GDPD5: variants seen among roughly 807,000 people sequenced by gnomAD.
GDPD5 encodes the protein glycerophosphodiester phosphodiesterase domain containing 5.
Under a neutral mutation model 75.1 loss-of-function variants are expected in GDPD5, and 48 were observed. The observed-to-expected ratio is 0.64, with a 90% CI of 0.51 to 0.81. GDPD5 has a LOEUF of 0.81. Among genes scored for constraint, GDPD5 ranks in the 40% least tolerant of loss-of-function variants. GDPD5 has a pLI of 0.00. For synonymous variants in GDPD5, 336 were observed against 339.0 expected (o/e 0.99, Z 0.10); for missense variants, 706 against 822.6 (o/e 0.86, Z 1.73).
chr11:75,498,055 C>G (rs922915168), intron 1 of GDPD5, among the ~76,000 whole-genome samples: 6 of 151,550 alleles, frequency 4.0e-5, no homozygotes, highest in Admixed American at 1.3e-4. Flanking sequence ...AGAGTGTGGA[C>G]TAGCACCCAG....
At chr11:75,483,602 T>C (rs1483297613) in intron 2 of GDPD5, among the ~76,000 whole-genome samples, 1 of 152,204 alleles carries the variant, frequency 6.6e-6, no homozygotes, top group Non-Finnish European at 1.5e-5. Context: ...GACAGGTCAC[T>C]ACCTCTTCCC....
At position 75,449,501 on chromosome 11, in the gene GDPD5, T is replaced by G. The variant is rs527692138; in HGVS notation, c.568+16A>C. ...TGCAGGGATTGGAGGGGCAGGCCCT[T>G]CACAGTTCTACTCACAGGTCCGCTC... is the stretch of plus-strand genomic sequence containing the variant. On this transcript the variant is annotated intron_variant, in intron 8 of 16. Coordinates refer to ENST00000336898, the MANE Select transcript of GDPD5 (RefSeq NM_030792.8). 6.0e-5 allele frequency: 94 copies of G among 1,554,838 alleles called. 3 individuals carry two copies. The South Asian group carries it at 1.1e-3, about 18-fold the overall frequency.
At chr11:75,504,446 C>T (rs1950354701) in intron 1 of GDPD5, among the ~76,000 whole-genome samples, 1 of 152,198 alleles carries the variant, frequency 6.6e-6, no homozygotes. Context: ...GGTGAACGGA[C>T]AGACAGAATG....
At chr11:75,505,046 C>T (rs560879660) in intron 1 of GDPD5, among the ~76,000 whole-genome samples, 4 of 151,642 alleles carry the variant, frequency 2.6e-5, no homozygotes, top group South Asian at 4.2e-4. Flanking sequence ...TGCTTGAACC[C>T]GGGAGGCAGA....
chr11:75,471,025 C>T (rs1004934597), intron 3 of GDPD5, among the ~76,000 whole-genome samples: 10 of 152,236 alleles, frequency 6.6e-5, no homozygotes, highest in African/African-American at 1.7e-4. Context: ...CCTCAGCACA[C>T]GGTCCTACAG....
Position 75,443,365 on chromosome 11 carries a change from G to A in GDPD5, c.798-79C>T. ...CCACCAATGATCGTCACCCCACACA[G>A]TCCTCCCCACCCAGCACAGGATCCC... is the stretch of plus-strand genomic sequence containing the variant. On this transcript the variant is annotated intron_variant, in intron 10 of 16. Coordinates refer to ENST00000336898, the MANE Select transcript of GDPD5 (RefSeq NM_030792.8). 5.4e-6 allele frequency: 8 copies of A among 1,481,002 alleles called. No homozygotes were observed. The South Asian group carries it at 9.9e-5, about 18-fold the overall frequency. 91.7% of individuals were successfully genotyped at this position (1,481,002 alleles called of 1,614,324 possible). A position where few individuals can be genotyped will look rare whatever the true frequency, so the allele number is the denominator to read the frequency against.
At chr11:75,441,097 G>C in intron 14 of GDPD5, 66 bp downstream of exon 14, 7 of 1,517,310 alleles carry the variant, frequency 4.6e-6, no homozygotes, top group Non-Finnish European at 6.4e-6. Context: ...AGCTTGCCGA[G>C]TGGTCAGGGC....
intron 15 of GDPD5, 53 bp from the exon 16 acceptor site, chr11:75,437,101 C>G: frequency 7.4e-7 from 1 of 1,349,152 alleles, no homozygotes; most frequent in Non-Finnish European, 1.1e-6. Context: ...TCCCTTGGAG[C>G]AGAGACCCTG....
chr11:75,466,585 C>A (rs1210656869), intron 3 of GDPD5, among the ~76,000 whole-genome samples: 1 of 152,186 alleles, frequency 6.6e-6, no homozygotes, highest in Non-Finnish European at 1.5e-5. Context: ...TCATCTCTCA[C>A]AGTCTGCATA....
chr11:75,496,878 T>G (rs1950220994), intron 1 of GDPD5, among the ~76,000 whole-genome samples: 1 of 138,290 alleles, frequency 7.2e-6, no homozygotes, highest in Non-Finnish European at 1.5e-5. Context: ...CCTCCCAGGC[T>G]CAAACAATCC....
At chr11:75,448,158 C>G (rs1949036661) in intron 9 of GDPD5, among the ~76,000 whole-genome samples, 3 of 152,200 alleles carry the variant, frequency 2.0e-5, no homozygotes, top group Admixed American at 6.5e-5. Flanking sequence ...ACACACACCC[C>G]CACTTGGCAG....
At chr11:75,457,883 G>T in intron 4 of GDPD5, 97 bp from the exon 5 acceptor site, 1 of 883,292 alleles carries the variant, frequency 1.1e-6, no homozygotes, top group Non-Finnish European at 1.8e-6. Flanking sequence ...ACGACAGGCT[G>T]GGCTCAGTGA....
At position 75,449,939 on chromosome 11, in the gene GDPD5, C is replaced by T. The variant is rs200381951; in HGVS notation, c.420G>A (p.Ser140=). Residue 140 remains serine, a synonymous_variant, in exon 7 of 17, where the codon TCG becomes TCA. Coordinates refer to ENST00000336898, the MANE Select transcript of GDPD5 (RefSeq NM_030792.8). ...CGTCCTCCCACAGCTGGGCCACGGC[C>T]GACATGGCCACCACCGTGGAAGCCA... The part of the protein sequence containing the change: ...VILASTVVAM[S]AVAQLWEDEW... The T allele has an allele frequency of 3.0e-5, 49 of 1,613,622 alleles. No individual in the cohort carries two copies. The highest frequency in any genetic ancestry group is 2.0e-4 in the South Asian group (18 of 91,082).
chr11:75,458,687 A>AATAAATAAATAG (rs1289174980), intron 4 of GDPD5, among the ~76,000 whole-genome samples: 2 of 151,624 alleles, frequency 1.3e-5, no homozygotes, highest in Admixed American at 6.6e-5. Context: ...TAAATAAATA[A>AATAAATAAATAG]ATAAATAAAT....
intron 2 of GDPD5, among the ~76,000 whole-genome samples, chr11:75,480,888 T>C (rs1380666127): frequency 3.3e-5 from 5 of 152,252 alleles, no homozygotes; most frequent in Admixed American, 3.3e-4. Flanking sequence ...AACATTTCAT[T>C]GGACGCAGCC....
intron 1 of GDPD5, among the ~76,000 whole-genome samples, chr11:75,500,342 C>T (rs1164536354): frequency 3.9e-5 from 6 of 152,166 alleles, no homozygotes; most frequent in East Asian, 3.9e-4. Flanking sequence ...ATCTCCACTT[C>T]GTCCCACCCA....
chr11:75,507,939 C>A (rs1193152836), intron 1 of GDPD5, among the ~76,000 whole-genome samples: 1 of 152,160 alleles, frequency 6.6e-6, no homozygotes, highest in Non-Finnish European at 1.5e-5. Flanking sequence ...CCAACACCCA[C>A]CCCCAGCACC....
At chr11:75,496,779 C>CTTTTTTTTTTTTTTTTT (rs544914858) in intron 1 of GDPD5, among the ~76,000 whole-genome samples, 1 of 103,114 alleles carries the variant, frequency 9.7e-6, no homozygotes, top group Non-Finnish European at 1.8e-5. Flanking sequence ...TTCTTTCTTT[C>CTTTTTTTTTTTTTTTTT]TTTTTTTTTT....
In GDPD5 at chr11:75,517,998, C is replaced by A. The variant is rs550749519; in HGVS notation, c.-145+7212G>T. 7.2e-5 allele frequency among the ~76,000 whole-genome samples: 11 copies of A among 152,344 alleles called. No individual in the cohort carries two copies. In the East Asian group the frequency reaches 2.1e-3, roughly 29 times the overall value. ...CAAAATGCTTACTGCCTTGTCTTAT[C>A]TCTTAGAGAGAAAGGGGACAGTGGG... On this transcript the variant is annotated intron_variant, in intron 1 of 16. Coordinates refer to ENST00000336898, the MANE Select transcript of GDPD5 (RefSeq NM_030792.8).
Sources: allele counts gnomAD v4.1 joint callset (sites outside exome capture counted in the v4.1 genomes callset), GRCh38; gene constraint gnomAD v4.1.1; transcripts MANE v1.5; gene names NCBI Gene and HGNC (gene_info 2026-07-23, HGNC 2026-07-21).